Variants in CRTAC1 observed in about 807,000 individuals in gnomAD.
The protein encoded by CRTAC1 is cartilage acidic protein 1.
In CRTAC1, 37 loss-of-function variants were observed where a neutral mutation model predicts 67.8. That is an observed-to-expected ratio of 0.55 (90% CI 0.42 to 0.72). CRTAC1 has a LOEUF of 0.72. Ranked by LOEUF, CRTAC1 falls within the 30% of genes least tolerant of loss-of-function variation. CRTAC1 has a pLI of 0.00. For missense variants in CRTAC1, 780 were observed against 931.6 expected, an observed-to-expected ratio of 0.84 and a Z score of 2.12; for synonymous variants, 348 against 371.0, an observed-to-expected ratio of 0.94 and a Z score of 0.71.
At chr10:97,877,210 T>A (rs1047880912) in intron 14 of CRTAC1, among the ~76,000 whole-genome samples, 1 of 152,182 alleles carries the variant, frequency 6.6e-6, no homozygotes, top group Non-Finnish European at 1.5e-5. Context: ...CTTTCTGGTA[T>A]AGCAACCTGA....
Position 97,933,200 on chromosome 10 carries a change from G to A in CRTAC1, c.421+2970C>T, listed in dbSNP as rs115884284. Among the ~76,000 whole-genome samples the A allele has an allele frequency of 3.8e-3, 573 of 152,344 alleles. 3 individuals are homozygous for A. Among genetic ancestry groups the A allele is most frequent in the African/African-American group, 0.013 (557 of 41,580 alleles). On this transcript the variant is annotated intron_variant, in intron 3 of 14. Transcript: ENST00000370597. ...CCTGCTCCACACCCCGCCCACTGTCGATTAACCAATGGGATCACTCAACTG... is the reference window on the plus strand; with the variant it reads ...CCTGCTCCACACCCCGCCCACTGTCAATTAACCAATGGGATCACTCAACTG...
intron 14 of CRTAC1, among the ~76,000 whole-genome samples, chr10:97,874,707 C>T (rs2050127392): frequency 6.6e-6 from 1 of 152,170 alleles, no homozygotes; most frequent in South Asian, 2.1e-4. Context: ...AATATAATAA[C>T]TCTGTGAGGT....
chr10:97,895,125 G>C lies in CRTAC1; in HGVS notation c.1486+120C>G, dbSNP rs2050437100. ...GAGTAGGGTTTGTCCCCAGTAGCTGGTGTCCACCATGGCTGTCACAGTAGA... is the reference window on the plus strand; with the variant it reads ...GAGTAGGGTTTGTCCCCAGTAGCTGCTGTCCACCATGGCTGTCACAGTAGA... On this transcript the variant is annotated intron_variant, in intron 11 of 14. Transcript: ENST00000370597. The surrounding 1 kb of genome is among the most constrained non-coding windows in gnomAD (Gnocchi z 4.2). 7 of 966,840 alleles carry C rather than the reference G, an allele frequency of 7.2e-6. No homozygotes were observed. The highest frequency in any genetic ancestry group is 1.1e-5 in the Non-Finnish European group (7 of 658,680). 59.9% of individuals were successfully genotyped at this position (966,840 alleles called of 1,614,324 possible).
intron 5 of CRTAC1, among the ~76,000 whole-genome samples, chr10:97,915,630 G>A (rs2050748054): frequency 6.6e-6 from 1 of 151,990 alleles, no homozygotes; most frequent in Admixed American, 6.5e-5. Flanking sequence ...GGGCTCGGGG[G>A]TGGGGGACAC....
At chr10:97,929,357 C>T (rs569791250) in intron 3 of CRTAC1, among the ~76,000 whole-genome samples, 1 of 152,128 alleles carries the variant, frequency 6.6e-6, no homozygotes, top group Non-Finnish European at 1.5e-5. Flanking sequence ...AAAAGGGGAA[C>T]AAGAGGGCAC....
chr10:98,023,588 G>A (rs923533323), intron 1 of CRTAC1, among the ~76,000 whole-genome samples: 8 of 152,176 alleles, frequency 5.3e-5, no homozygotes, highest in Non-Finnish European at 8.8e-5. Flanking sequence ...TCTCAGATGA[G>A]AGGTGCATGA....
chr10:97,988,487 C>G (rs927880781), intron 2 of CRTAC1, among the ~76,000 whole-genome samples: 2 of 151,958 alleles, frequency 1.3e-5, no homozygotes, highest in African/African-American at 2.4e-5. Context: ...TTTGGGAGGC[C>G]GAGGCAGGCG....
chr10:98,014,200 C>T (rs147131986), intron 1 of CRTAC1, among the ~76,000 whole-genome samples: 6 of 152,280 alleles, frequency 3.9e-5, no homozygotes, highest in African/African-American at 7.2e-5. Context: ...TCAGAGCAGT[C>T]GGCAGACCAG....
chr10:98,008,148 C>T (rs890410256), intron 2 of CRTAC1, among the ~76,000 whole-genome samples: 2 of 152,190 alleles, frequency 1.3e-5, no homozygotes, highest in Non-Finnish European at 2.9e-5. Context: ...CCCAAACAGA[C>T]CCAGGCCAGC....
chr10:97,954,804 C>G (rs2051415619), intron 2 of CRTAC1, among the ~76,000 whole-genome samples: 1 of 152,184 alleles, frequency 6.6e-6, no homozygotes, highest in Non-Finnish European at 1.5e-5. Context: ...TTCAGAGGCT[C>G]AGAGAGAAGA....
chr10:97,894,762 ATATG>A (rs2050430717), intron 11 of CRTAC1, among the ~76,000 whole-genome samples: 4 of 95,606 alleles, frequency 4.2e-5, no homozygotes, highest in Non-Finnish European at 8.5e-5. Flanking sequence ...ATATATATAT[ATATG>A]ATAGGATTTT....
intron 2 of CRTAC1, among the ~76,000 whole-genome samples, chr10:97,969,056 C>T (rs369964929): frequency 6.6e-6 from 1 of 152,198 alleles, no homozygotes; most frequent in Non-Finnish European, 1.5e-5. Context: ...CCTTTCCCCC[C>T]CATGTCAAAA....
At chr10:97,991,113 AAAAAAAAAAAAAAAG>A (rs1227606217) in intron 2 of CRTAC1, among the ~76,000 whole-genome samples, 4 of 147,990 alleles carry the variant, frequency 2.7e-5, no homozygotes, top group African/African-American at 5.0e-5. Flanking sequence ...AAAAAAAAAA[AAAAAAAAAAAAAAAG>A]ATTATCTCAG....
chr10:98,009,756 T>C (rs1465533590), intron 2 of CRTAC1, among the ~76,000 whole-genome samples: 1 of 152,214 alleles, frequency 6.6e-6, no homozygotes, highest in Non-Finnish European at 1.5e-5. Context: ...GCCCCTGTAG[T>C]GTTTTTATTG....
intron 3 of CRTAC1, 70 bp downstream of exon 3, chr10:97,936,100 G>A: frequency 6.9e-7 from 1 of 1,447,622 alleles, no homozygotes. Flanking sequence ...GGGTTCCCAT[G>A]GCCCTCCCCA....
intron 14 of CRTAC1, among the ~76,000 whole-genome samples, chr10:97,877,882 G>A (rs967097702): frequency 1.3e-5 from 2 of 152,208 alleles, no homozygotes; most frequent in Admixed American, 6.5e-5. Flanking sequence ...GTCCTTGGCA[G>A]GCCATCTCTG....
rs1590164735 is a variant in CRTAC1 at position 97,865,458 on chromosome 10, C to T, written c.*90G>A. 1 of 1,490,910 alleles carries T rather than the reference C, an allele frequency of 6.7e-7. No individual in the cohort carries two copies. The highest frequency in any genetic ancestry group is 1.3e-5 in the South Asian group (1 of 75,524). 92.4% of individuals were successfully genotyped at this position (1,490,910 alleles called of 1,614,324 possible). ...CTTGGGGAGGGTCTAGCTCCCAGGC[C>T]TTTACATCCCTACTGTCTAGGCAGC... On this transcript the variant is annotated 3_prime_UTR_variant, in exon 15 of 15. Transcript: ENST00000370597.
In CRTAC1 at chr10:97,884,351, C is replaced by T. The variant is rs1321509409; in HGVS notation, c.1487G>A (p.Gly496Glu). The T allele has an allele frequency of 7.1e-6, 11 of 1,551,070 alleles. No homozygotes were observed. In the East Asian group the frequency reaches 2.4e-4, roughly 34 times the overall value. ...EMEPVAHFGL[G>E]KDEASSVEVT... The stretch of plus-strand genomic sequence containing the variant: ...CTCCACACTGCTGGCTTCATCCTTC[C>T]CTGAGGGGCAGAAGGAGAGAGCATC... Residue 496 changes from glycine (G) to glutamate (E), a missense_variant and splice_region_variant, in exon 12 of 15, where the codon GGG (glycine) becomes GAG (glutamate). Physicochemically the swap from Gly to Glu is moderately conservative, Grantham distance 98 (BLOSUM62 -2). Transcript: ENST00000370597.
chr10:97,950,591 G>T (rs929090500), intron 2 of CRTAC1, among the ~76,000 whole-genome samples: 1 of 152,212 alleles, frequency 6.6e-6, no homozygotes. Flanking sequence ...CAGGTCACGG[G>T]CCTTGTTGGG....
Sources: allele counts gnomAD v4.1 joint callset (sites outside exome capture counted in the v4.1 genomes callset), GRCh38; gene constraint gnomAD v4.1.1; non-coding constraint Gnocchi (gnomAD v3.1); transcripts MANE v1.5; gene names NCBI Gene and HGNC (gene_info 2026-07-23, HGNC 2026-07-21).